The following SLC4A4 variants were observed in gnomAD, a reference collection of about 807,000 sequenced individuals.
The protein encoded by SLC4A4 is electrogenic sodium bicarbonate cotransporter 1.
SLC4A4 carries 27 observed loss-of-function variants against 111.5 expected under a neutral mutation model. The observed-to-expected ratio is 0.24, with a 90% CI of 0.18 to 0.33. The LOEUF is 0.33. Among genes scored for constraint, SLC4A4 ranks in the 10% least tolerant of loss-of-function variants. The pLI is 1.00. For synonymous variants in SLC4A4, 443 were observed against 463.4 expected, an observed-to-expected ratio of 0.96 and a Z score of 0.57; for missense variants, 909 against 1,315.5, an observed-to-expected ratio of 0.69 and a Z score of 4.78.
intron 2 of SLC4A4, among the ~76,000 whole-genome samples, chr4:71,138,397 G>A (rs1363225997): frequency 2.6e-5 from 4 of 152,110 alleles, no homozygotes. Flanking sequence ...AAACTCTCTT[G>A]CAACACATTA....
chr4:71,066,645 T>C (rs1741524005), intron 1 of SLC4A4, among the ~76,000 whole-genome samples: 1 of 152,186 alleles, frequency 6.6e-6, no homozygotes, highest in Non-Finnish European at 1.5e-5. Flanking sequence ...ATTAATCAAA[T>C]TGGGAATAAT....
intron 1 of SLC4A4, among the ~76,000 whole-genome samples, chr4:71,072,873 T>G (rs1741706669): frequency 6.6e-6 from 1 of 152,050 alleles, no homozygotes; most frequent in Admixed American, 6.6e-5. Flanking sequence ...GCTTAAGCGA[T>G]CCTCCCACCT....
chr4:71,245,123 A>T (rs1435399537), intron 2 of SLC4A4, among the ~76,000 whole-genome samples: 1 of 152,118 alleles, frequency 6.6e-6, no homozygotes, highest in East Asian at 1.9e-4. Context: ...CAGAGGTGAG[A>T]AAGAGGTAGG....
rs1292676222 is a variant in SLC4A4, at chr4:71,385,331, T to C, written c.731-12246T>C. 2.7e-5 allele frequency among the ~76,000 whole-genome samples: 4 copies of C among 150,188 alleles called. No individual in the cohort carries two copies. The East Asian group carries it at 7.9e-4, about 30-fold the overall frequency. On this transcript the variant is annotated intron_variant, in intron 6 of 25. Coordinates refer to ENST00000264485, the MANE Select transcript of SLC4A4 (RefSeq NM_001098484.3). Reference sequence around the variant, plus strand: ...CTCCTGCCTCAGCCTCCTGAGTACCTGGGATTACAGGCATGCACCATCCGA... The same window carrying C: ...CTCCTGCCTCAGCCTCCTGAGTACCCGGGATTACAGGCATGCACCATCCGA...
chr4:71,430,068 T>C (rs1332291889), intron 7 of SLC4A4, among the ~76,000 whole-genome samples: 1 of 152,158 alleles, frequency 6.6e-6, no homozygotes, highest in Non-Finnish European at 1.5e-5. Flanking sequence ...GAATCAGTGT[T>C]TGATGAGCCA....
chr4:71,417,969 C>T (rs1380518298), intron 7 of SLC4A4, among the ~76,000 whole-genome samples: 3 of 152,144 alleles, frequency 2.0e-5, no homozygotes, highest in African/African-American at 4.8e-5. Flanking sequence ...TGTAATAATA[C>T]ATTTCTTACA....
intron 2 of SLC4A4, among the ~76,000 whole-genome samples, chr4:71,101,149 C>T (rs1742719855): frequency 6.6e-6 from 1 of 151,994 alleles, no homozygotes; most frequent in Non-Finnish European, 1.5e-5. Flanking sequence ...GTCCCAGCTA[C>T]TCGGGAGGCT....
At chr4:71,528,563 A>T (rs1328587716) in intron 16 of SLC4A4, among the ~76,000 whole-genome samples, 1 of 152,114 alleles carries the variant, frequency 6.6e-6, no homozygotes, top group Non-Finnish European at 1.5e-5. Flanking sequence ...ATATACCAAA[A>T]CACTTAAATT....
At chr4:71,135,427 C>A (rs1270285265) in intron 2 of SLC4A4, among the ~76,000 whole-genome samples, 1 of 151,566 alleles carries the variant, frequency 6.6e-6, no homozygotes, top group African/African-American at 2.4e-5. Flanking sequence ...TCCTGAGTAG[C>A]CAGGACTACA....
At chr4:71,467,161 C>T (rs990193080) in intron 13 of SLC4A4, among the ~76,000 whole-genome samples, 1 of 152,022 alleles carries the variant, frequency 6.6e-6, no homozygotes, top group East Asian at 1.9e-4. Flanking sequence ...TTAGTAGTGG[C>T]TTCCTGCTGT....
rs569877157 is a variant in SLC4A4 at position 71,430,060 on chromosome 4, A to G, written c.808-10556A>G. Among the ~76,000 whole-genome samples, 15 of 152,266 alleles carry G rather than the reference A, an allele frequency of 9.9e-5. No individual in the cohort carries two copies. In the East Asian group the frequency reaches 2.1e-3, roughly 22 times the overall value. On this transcript the variant is annotated intron_variant, in intron 7 of 25. Transcript: ENST00000264485. ...TGTACTTGGAAAAGATAATGTGTGA[A>G]TCAGTGTTTGATGAGCCAAAATTAT...
rs376347654 is a variant in SLC4A4, at chr4:71,547,630, C to T, written c.2622-18C>T. 3.7e-6 allele frequency: 6 copies of T among 1,605,308 alleles called. No homozygotes were observed. The highest frequency in any genetic ancestry group is 3.3e-5 in the Admixed American group (2 of 59,838). On this transcript the variant is annotated intron_variant, in intron 19 of 25. Coordinates refer to ENST00000264485, the MANE Select transcript of SLC4A4 (RefSeq NM_001098484.3). ...TGAAGACAAGAGGTAGATTGGTAAT[C>T]TTTTGATTTGGTTTCAGGGAACAAA...
At chr4:71,222,318 A>G (rs1718793481) in intron 1 of SLC4A4, among the ~76,000 whole-genome samples, 1 of 152,040 alleles carries the variant, frequency 6.6e-6, no homozygotes, top group Non-Finnish European at 1.5e-5. Flanking sequence ...TGCAAGTCTC[A>G]CTTCCTTACC....
At chr4:71,243,662 A>G (rs1720423213) in intron 2 of SLC4A4, among the ~76,000 whole-genome samples, 1 of 152,182 alleles carries the variant, frequency 6.6e-6, no homozygotes, top group African/African-American at 2.4e-5. Flanking sequence ...TGAAAGGTGA[A>G]GGTAGTGAGG....
intron 3 of SLC4A4, among the ~76,000 whole-genome samples, chr4:71,288,805 T>A (rs923069260): frequency 6.6e-6 from 1 of 152,076 alleles, no homozygotes; most frequent in Non-Finnish European, 1.5e-5. Context: ...GTTAAAAAAA[T>A]CTCCATGGAA....
intron 3 of SLC4A4, among the ~76,000 whole-genome samples, chr4:71,263,084 A>C (rs868390169): frequency 1.4e-5 from 2 of 143,212 alleles, no homozygotes; most frequent in Admixed American, 1.6e-4. Flanking sequence ...TCGTTGTTCA[A>C]TTCCCACCTA....
chr4:71,242,347 A>C lies in SLC4A4; in HGVS notation c.73+5698A>C, dbSNP rs560146618. 9.8e-5 allele frequency among the ~76,000 whole-genome samples: 15 copies of C among 152,286 alleles called. No individual in the cohort carries two copies. The South Asian group carries it at 2.9e-3, about 29-fold the overall frequency. ...TAGTGAGACATGTTGTTTGATATTT[A>C]TTTTGGGGAGTCTCTATTGTTTATT... On this transcript the variant is annotated intron_variant, in intron 2 of 25. Coordinates refer to ENST00000264485, the MANE Select transcript of SLC4A4 (RefSeq NM_001098484.3).
intron 22 of SLC4A4, among the ~76,000 whole-genome samples, chr4:71,558,367 AG>A (rs1374027018): frequency 1.3e-5 from 2 of 151,964 alleles, no homozygotes; most frequent in Non-Finnish European, 2.9e-5. Flanking sequence ...GAGGAAATGG[AG>A]TGAGAAGTTC....
intron 14 of SLC4A4, among the ~76,000 whole-genome samples, chr4:71,477,753 TTTCTC>T (rs1173531800): frequency 6.6e-6 from 1 of 151,836 alleles, no homozygotes; most frequent in African/African-American, 2.4e-5. Flanking sequence ...TTTCACTTGT[TTTCTC>T]TTCTGTCCTC....
Sources: gnomAD v4.1 joint callset for allele counts (sites outside exome capture counted in the v4.1 genomes callset) on GRCh38, gnomAD v4.1.1 for gene constraint, MANE v1.5 for transcripts, NCBI Gene and HGNC (gene_info 2026-07-23, HGNC 2026-07-21) for gene names.